Variants in UBXN11 observed in about 807,000 individuals in gnomAD.
UBXN11 encodes UBX domain protein 11.
UBXN11 carries 47 observed loss-of-function variants against 62.8 expected under a neutral mutation model. The ratio of observed to expected loss-of-function variants is 0.75; its 90% CI spans 0.59 to 0.95. The LOEUF is 0.95. UBXN11 is among the 40% of genes least tolerant of loss of function. The pLI is 0.00. For synonymous variants in UBXN11, 294 were observed against 267.0 expected (o/e 1.10, Z -0.99); for missense variants, 638 against 661.7 (o/e 0.96, Z 0.39).
chr1:26,296,978 G>A lies in UBXN11; in HGVS notation c.373C>T (p.Arg125Trp), dbSNP rs576922244. Residue 125 changes from arginine to tryptophan, a missense_variant, in exon 7 of 15, where the codon CGG becomes TGG. By Grantham distance (101) the Arg-to-Trp change is moderately radical. Coordinates refer to ENST00000374222, the MANE Select transcript of UBXN11 (RefSeq NM_001389556.1). ...RPHPAEATLQ[R>W]QEELETMCVQ... ...CACATCGTCTCCAGTTCCTCCTGCC[G>A]CTGCAGGGTTGCCTCGGCTTCAGGG... is the stretch of plus-strand genomic sequence containing the variant. 52 of 1,604,206 alleles carry A rather than the reference G, an allele frequency of 3.2e-5. No individual in the cohort carries two copies. In the East Asian group the frequency reaches 4.0e-4, roughly 12 times the overall value.
chr1:26,313,157 C>T (rs771741481), intron 1 of UBXN11, among the ~76,000 whole-genome samples: 11 of 152,056 alleles, frequency 7.2e-5, no homozygotes, highest in African/African-American at 1.2e-4. Flanking sequence ...CACACTGTGA[C>T]GTGTGCTATA....
At chr1:26,285,353 C>T (rs774341122) in intron 10 of UBXN11, 111 bp downstream of exon 10, 5 of 1,539,154 alleles carry the variant, frequency 3.2e-6, no homozygotes, top group South Asian at 2.4e-5. Flanking sequence ...AGACTGGGGT[C>T]CCCCAGGGAG....
intron 2 of UBXN11, among the ~76,000 whole-genome samples, chr1:26,302,517 A>G (rs141924962): frequency 2.8e-4 from 43 of 152,342 alleles, no homozygotes; most frequent in African/African-American, 1.0e-3. Context: ...GGCCCAGGAT[A>G]GGTCCGTAGA....
chr1:26,285,282 G>A, intron 10 of UBXN11, 182 bp downstream of exon 10: 1 of 1,400,530 alleles, frequency 7.1e-7, no homozygotes, highest in South Asian at 1.5e-5. Flanking sequence ...CTGCTGCTCT[G>A]TTTCGGGCCT....
At chr1:26,294,075 T>TCTCA (rs2073337542) in intron 8 of UBXN11, 130 bp downstream of exon 8, 1 of 1,412,088 alleles carries the variant, frequency 7.1e-7, no homozygotes, top group Non-Finnish European at 9.5e-7. Context: ...GGGCAAGTTG[T>TCTCA]GGGCTCTCAG....
At chr1:26,318,225 T>C in exon 1 of UBXN11, 1 of 661,596 alleles carries the variant, frequency 1.5e-6, no homozygotes, top group Non-Finnish European at 2.7e-6. Flanking sequence ...ACAGCGGGCC[T>C]GGCCGCCCAG....
At chr1:26,316,125 ATTTTTTTTT>A (rs57889417) in intron 1 of UBXN11, among the ~76,000 whole-genome samples, 1 of 91,464 alleles carries the variant, frequency 1.1e-5, no homozygotes, top group Non-Finnish European at 2.1e-5. Context: ...TGCCCGGCTA[ATTTTTTTTT>A]TTTTTTTTTT....
At chr1:26,296,871 G>A in intron 7 of UBXN11, 48 bp downstream of exon 7, 1 of 1,553,738 alleles carries the variant, frequency 6.4e-7, no homozygotes. Flanking sequence ...GCCGTGAAGA[G>A]CTGGGGACTG....
At chr1:26,311,955 A>T (rs1474135876) in intron 1 of UBXN11, among the ~76,000 whole-genome samples, 1 of 152,056 alleles carries the variant, frequency 6.6e-6, no homozygotes, top group Middle Eastern at 3.2e-3. Context: ...CACCCACATC[A>T]CCACCACCTT....
intron 4 of UBXN11, among the ~76,000 whole-genome samples, chr1:26,300,222 C>T (rs1352638589): frequency 6.6e-6 from 1 of 152,166 alleles, no homozygotes; most frequent in Non-Finnish European, 1.5e-5. Flanking sequence ...GCGTGACAGG[C>T]GCTGGCCAGG....
intron 1 of UBXN11, among the ~76,000 whole-genome samples, chr1:26,312,215 C>A (rs2073750793): frequency 6.6e-6 from 1 of 152,120 alleles, no homozygotes; most frequent in African/African-American, 2.4e-5. Flanking sequence ...CAGAACCACA[C>A]TCTAAAATCC....
chr1:26,285,582 T>G, intron 9 of UBXN11, 41 bp from the exon 10 acceptor site: 4 of 1,509,500 alleles, frequency 2.6e-6, no homozygotes, highest in Non-Finnish European at 3.6e-6. Flanking sequence ...GCCTGGGCCT[T>G]GGGCCCACCC....
intron 1 of UBXN11, among the ~76,000 whole-genome samples, chr1:26,317,236 C>A (rs1053415482): frequency 7.3e-5 from 11 of 150,520 alleles, no homozygotes; most frequent in Non-Finnish European, 1.2e-4. Context: ...AAAAAAAAAA[C>A]AAAAAAACCA....
chr1:26,288,730 G>C (rs753084582), intron 8 of UBXN11, among the ~76,000 whole-genome samples: 17 of 152,190 alleles, frequency 1.1e-4, no homozygotes, highest in Non-Finnish European at 1.9e-4. Context: ...TAAGAACCCT[G>C]TACTGCCTGC....
chr1:26,301,061 G>A (rs544027003), intron 3 of UBXN11, 37 bp from the exon 4 acceptor site: 221 of 1,613,828 alleles, frequency 1.4e-4, no homozygotes, highest in Admixed American at 1.0e-3. Context: ...GCTCTGGGGC[G>A]GAGACCCAGA....
upstream of UBXN11, among the ~76,000 whole-genome samples, chr1:26,309,705 T>G (rs554326040): frequency 2.6e-5 from 4 of 152,318 alleles, no homozygotes; most frequent in East Asian, 7.7e-4. Context: ...GGCTGGGCTC[T>G]GTCGTTTAAT....
chr1:26,310,230 G>A (rs1219052084), upstream of UBXN11, among the ~76,000 whole-genome samples: 1 of 151,800 alleles, frequency 6.6e-6, no homozygotes, highest in Non-Finnish European at 1.5e-5. Context: ...ACGAAACCCT[G>A]TCTCTACTAA....
chr1:26,313,818 T>C (rs936464697), intron 1 of UBXN11, among the ~76,000 whole-genome samples: 9 of 147,342 alleles, frequency 6.1e-5, no homozygotes, highest in African/African-American at 2.3e-4. Context: ...TCTTGCTCCA[T>C]CGCCCAGGCT....
In UBXN11 at chr1:26,285,872, A is replaced by C; in HGVS notation, c.725T>G (p.Ile242Ser). 1 of 1,612,622 alleles carries C rather than the reference A, an allele frequency of 6.2e-7. No individual in the cohort carries two copies. The highest frequency in any genetic ancestry group is 8.5e-7 in the Non-Finnish European group (1 of 1,178,756). ...PIPLKLYRNG[I>S]MMFDGPFQPF... is the part of the protein sequence containing the mutation. Reference sequence around the variant, plus strand: ...CTGGAAGGGCCCGTCGAACATCATGATGCCATTCCGGTAGAGCTTCAGCGG... The same window carrying C: ...CTGGAAGGGCCCGTCGAACATCATGCTGCCATTCCGGTAGAGCTTCAGCGG... The change falls in exon 9 of 15, where the codon ATC becomes AGC. Residue 242 changes from isoleucine to serine, a missense_variant. By Grantham distance (142) the Ile-to-Ser change is moderately radical. Coordinates refer to ENST00000374222, the MANE Select transcript of UBXN11 (RefSeq NM_001389556.1).
Sources: allele counts gnomAD v4.1 joint callset (sites outside exome capture counted in the v4.1 genomes callset), GRCh38; gene constraint gnomAD v4.1.1; transcripts MANE v1.5; gene names NCBI Gene and HGNC (gene_info 2026-07-23, HGNC 2026-07-21).